TEAD1: variants seen among roughly 807,000 people sequenced by gnomAD.
The protein encoded by TEAD1 is TEA domain transcription factor 1.
Under a neutral mutation model 54.9 loss-of-function variants are expected in TEAD1, and 9 were observed. The ratio of observed to expected loss-of-function variants is 0.16; its 90% confidence interval spans 0.10 to 0.29. The LOEUF is 0.29. Among genes scored for constraint, TEAD1 ranks in the 10% least tolerant of loss-of-function variants. The pLI is 1.00. For synonymous variants in TEAD1, 200 were observed against 187.8 expected (o/e 1.07, Z -0.53); for missense variants, 387 against 535.9 (o/e 0.72, Z 2.74).
chr11:12,802,562 G>GT (rs1377783101), intron 3 of TEAD1, among the ~76,000 whole-genome samples: 13 of 152,200 alleles, frequency 8.5e-5, no homozygotes, highest in Non-Finnish European at 1.8e-4. Context: ...CTGACTGGTG[G>GT]TGGAGGGGCC....
chr11:12,906,150 C>G lies in TEAD1; in HGVS notation c.873+4037C>G, dbSNP rs575835109. On this transcript the variant is annotated intron_variant, in intron 10 of 12. Transcript: ENST00000527636. ...GTCTCATGCCTTCATGGTGTGGGAC[C>G]CCTTAAAGCCCGTATGAATGGCTGT... Among the ~76,000 whole-genome samples the G allele has an allele frequency of 6.6e-5, 10 of 152,054 alleles. No homozygotes were observed. In the South Asian group the frequency reaches 1.7e-3, roughly 25 times the overall value.
At chr11:12,887,740 C>T (rs1948119185) in intron 9 of TEAD1, among the ~76,000 whole-genome samples, 1 of 152,148 alleles carries the variant, frequency 6.6e-6, no homozygotes. Context: ...ACAACAGAAA[C>T]ATTAAGGCCA....
At chr11:12,897,423 T>G (rs1244115978) in intron 9 of TEAD1, among the ~76,000 whole-genome samples, 1 of 152,192 alleles carries the variant, frequency 6.6e-6, no homozygotes, top group Non-Finnish European at 1.5e-5. Context: ...CCTTCTGGAT[T>G]TGGGGACAGA....
At chr11:12,868,282 C>T (rs1003525562) in intron 5 of TEAD1, among the ~76,000 whole-genome samples, 10 of 152,168 alleles carry the variant, frequency 6.6e-5, no homozygotes, top group Non-Finnish European at 1.5e-4. Context: ...TAGTAATGGC[C>T]TCTTAGGCTA....
intron 11 of TEAD1, among the ~76,000 whole-genome samples, chr11:12,926,869 C>G (rs142067297): frequency 3.4e-3 from 519 of 152,174 alleles, no homozygotes; most frequent in Non-Finnish European, 6.4e-3. Context: ...ACGCCTGGAA[C>G]CAGATGACCT....
At chr11:12,682,009 C>T (rs1943233298) in intron 2 of TEAD1, among the ~76,000 whole-genome samples, 1 of 152,202 alleles carries the variant, frequency 6.6e-6, no homozygotes, top group Non-Finnish European at 1.5e-5. Flanking sequence ...TGGGCACCAC[C>T]TGTGTAGGCT....
chr11:12,750,182 C>T (rs946371314), intron 2 of TEAD1, among the ~76,000 whole-genome samples: 2 of 152,124 alleles, frequency 1.3e-5, no homozygotes, highest in African/African-American at 2.4e-5. Context: ...CAAATGCAGA[C>T]GCATGTCTCT....
At chr11:12,878,365 C>G (rs1358426690) in intron 5 of TEAD1, among the ~76,000 whole-genome samples, 1 of 152,138 alleles carries the variant, frequency 6.6e-6, no homozygotes, top group African/African-American at 2.4e-5. Flanking sequence ...AGCACCCTCT[C>G]TGCTGGTACT....
chr11:12,816,490 G>A (rs1405258217), intron 3 of TEAD1, among the ~76,000 whole-genome samples: 1 of 152,146 alleles, frequency 6.6e-6, no homozygotes, highest in Non-Finnish European at 1.5e-5. Context: ...GGTATTTGTA[G>A]TGGCTTACAC....
chr11:12,757,583 T>G (rs1945008634), intron 2 of TEAD1, among the ~76,000 whole-genome samples: 1 of 152,326 alleles, frequency 6.6e-6, no homozygotes, highest in South Asian at 2.1e-4. Flanking sequence ...GCTTACAGTC[T>G]GTCTCCTTGT....
rs187560143 is a variant in TEAD1 at position 12,881,328 on chromosome 11, A to G, written c.512+277A>G. On this transcript the variant is annotated intron_variant, in intron 7 of 12. Coordinates refer to ENST00000527636, the MANE Select transcript of TEAD1 (RefSeq NM_021961.6). ...AAGTGGACCCCTCTTCCTTCATGGT[A>G]TTGAAGGCTGAGCTGTGGTCCTCCT... is the stretch of plus-strand genomic sequence containing the variant. Among the ~76,000 whole-genome samples the G allele has an allele frequency of 9.2e-5, 14 of 152,168 alleles. No individual in the cohort carries two copies. The East Asian group carries it at 2.7e-3, about 30-fold the overall frequency.
chr11:12,878,321 T>C (rs551152464), intron 5 of TEAD1, among the ~76,000 whole-genome samples: 132 of 152,314 alleles, frequency 8.7e-4, no homozygotes, highest in African/African-American at 3.0e-3. Context: ...GATGTGTTTT[T>C]TTCATCACCT....
intron 3 of TEAD1, among the ~76,000 whole-genome samples, chr11:12,850,297 G>T (rs549149528): frequency 6.6e-6 from 1 of 152,150 alleles, no homozygotes; most frequent in Non-Finnish European, 1.5e-5. Flanking sequence ...TTAGCCTGGC[G>T]TGGTGGCTCA....
At chr11:12,807,226 T>G (rs1946192984) in intron 3 of TEAD1, among the ~76,000 whole-genome samples, 1 of 152,218 alleles carries the variant, frequency 6.6e-6, no homozygotes, top group African/African-American at 2.4e-5. Context: ...CATGAGGTTT[T>G]CAAGGAAAGT....
At chr11:12,927,405 TTG>T (rs1948922725) in intron 11 of TEAD1, among the ~76,000 whole-genome samples, 1 of 152,222 alleles carries the variant, frequency 6.6e-6, no homozygotes, top group African/African-American at 2.4e-5. Flanking sequence ...CACCCACTAT[TTG>T]TGTCTACGTA....
At chr11:12,849,050 T>C (rs1947214448) in intron 3 of TEAD1, 2 of 152,202 alleles carry the variant, frequency 1.3e-5, no homozygotes, top group African/African-American at 4.8e-5. Context: ...GCTTTTTTTT[T>C]CTTTCTTTTT....
At chr11:12,714,964 T>C (rs957238028) in intron 2 of TEAD1, among the ~76,000 whole-genome samples, 17 of 152,094 alleles carry the variant, frequency 1.1e-4, no homozygotes, top group Non-Finnish European at 2.1e-4. Flanking sequence ...GGATTAGGGG[T>C]TCAACATACG....
rs554123602 is a variant in TEAD1 at position 12,934,650 on chromosome 11, C to CTTTATGGCCTT, written c.1168-2458_1168-2448dup. Among the ~76,000 whole-genome samples the CTTTATGGCCTT allele has an allele frequency of 1.2e-4, 18 of 151,668 alleles. No individual in the cohort carries two copies. The South Asian group carries it at 3.3e-3, about 28-fold the overall frequency. On this transcript the variant is annotated intron_variant, in intron 12 of 12. Coordinates refer to ENST00000527636, the MANE Select transcript of TEAD1 (RefSeq NM_021961.6). ...GAAATCAAAAGACTTGAGTTTAAGACTTTATGGCCTTGGTCACTTAGTCTT... is the reference window on the plus strand; with the variant it reads ...GAAATCAAAAGACTTGAGTTTAAGACTTTATGGCCTTTTTATGGCCTTGGTCACTTAGTCTT...
At chr11:12,935,102 G>A (rs1348737139) in intron 12 of TEAD1, among the ~76,000 whole-genome samples, 2 of 152,306 alleles carry the variant, frequency 1.3e-5, no homozygotes, top group South Asian at 2.1e-4. Context: ...GCAGGAGGCA[G>A]GCATGCATCA....
Sources: allele counts gnomAD v4.1 joint callset (sites outside exome capture counted in the v4.1 genomes callset), GRCh38; gene constraint gnomAD v4.1.1; transcripts MANE v1.5; gene names NCBI Gene and HGNC (gene_info 2026-07-23, HGNC 2026-07-21).